Variants in UBE2H observed in about 807,000 individuals in gnomAD.
The protein encoded by UBE2H is ubiquitin conjugating enzyme E2 H.
Under a neutral mutation model 29.0 loss-of-function variants are expected in UBE2H, and 3 were observed. That is an observed-to-expected ratio of 0.10 (90% CI 0.05 to 0.27). The LOEUF (loss-of-function observed/expected upper bound fraction) is 0.27. Among genes scored for constraint, UBE2H ranks in the 10% least tolerant of loss-of-function variants. The pLI, the probability that UBE2H is intolerant of heterozygous loss-of-function variation, is 1.00. For synonymous variants in UBE2H, 69 were observed against 82.9 expected (o/e 0.83, Z 0.91); for missense variants, 68 against 228.2 (o/e 0.30, Z 4.52).
intron 1 of UBE2H, among the ~76,000 whole-genome samples, chr7:129,891,952 C>A (rs976678380): frequency 7.5e-6 from 1 of 132,850 alleles, no homozygotes. Context: ...ACATGCTACA[C>A]CTTTTTTTTT....
chr7:129,891,133 C>CT (rs1563036224), intron 1 of UBE2H, among the ~76,000 whole-genome samples: 1 of 146,100 alleles, frequency 6.8e-6, no homozygotes, highest in Non-Finnish European at 1.5e-5. Context: ...AAGACTCTCT[C>CT]AAAAAAAAAA....
chr7:129,849,574 T>A (rs1805572006), intron 5 of UBE2H, among the ~76,000 whole-genome samples: 1 of 152,058 alleles, frequency 6.6e-6, no homozygotes, highest in African/African-American at 2.4e-5. Flanking sequence ...CAAGACTCCA[T>A]CTCAAATAAA....
chr7:129,919,100 TAAAAAAAAAAA>T (rs1204331286), intron 1 of UBE2H, among the ~76,000 whole-genome samples: 2 of 72,186 alleles, frequency 2.8e-5, no homozygotes, highest in Admixed American at 1.7e-4. Flanking sequence ...AAAAACAAAG[TAAAAAAAAAAA>T]AAAAAAAAAA....
intron 1 of UBE2H, among the ~76,000 whole-genome samples, chr7:129,935,791 T>C (rs140621495): frequency 6.6e-6 from 1 of 152,234 alleles, no homozygotes; most frequent in Non-Finnish European, 1.5e-5. Context: ...TTAATCACAG[T>C]TGAAAAGTAG....
intron 4 of UBE2H, 70 bp from the exon 5 acceptor site, chr7:129,857,633 T>G (rs1048341933): frequency 1.3e-6 from 2 of 1,489,346 alleles, no homozygotes; most frequent in African/African-American, 2.8e-5. Flanking sequence ...TGGCAACTAA[T>G]TTTTACTTAT....
intron 5 of UBE2H, among the ~76,000 whole-genome samples, chr7:129,852,735 G>GT (rs1033095788): frequency 5.3e-5 from 8 of 150,952 alleles, no homozygotes; most frequent in African/African-American, 1.2e-4. Context: ...TTTTTTGTTT[G>GT]TTTTTTTGAG....
intron 1 of UBE2H, among the ~76,000 whole-genome samples, chr7:129,932,160 G>GT (rs1193669447): frequency 1.4e-5 from 2 of 145,444 alleles, no homozygotes; most frequent in Non-Finnish European, 3.0e-5. Context: ...TCTCGCTCTT[G>GT]TTGCCCAGGC....
chr7:129,912,968 T>C (rs1025094189), intron 1 of UBE2H, among the ~76,000 whole-genome samples: 10 of 152,158 alleles, frequency 6.6e-5, no homozygotes, highest in African/African-American at 2.4e-4. Flanking sequence ...TGTACAACAT[T>C]GGGCCAGGTG....
At chr7:129,909,639 T>C (rs1806889627) in intron 1 of UBE2H, among the ~76,000 whole-genome samples, 1 of 152,136 alleles carries the variant, frequency 6.6e-6, no homozygotes, top group South Asian at 2.1e-4. Flanking sequence ...GAGGATCACT[T>C]GACCCTAGGA....
chr7:129,937,921 ATC>A (rs1807563823), intron 1 of UBE2H, among the ~76,000 whole-genome samples: 1 of 152,224 alleles, frequency 6.6e-6, no homozygotes, highest in Non-Finnish European at 1.5e-5. Flanking sequence ...GAGTGCTTTT[ATC>A]CTCAGTTCCC....
intron 1 of UBE2H, among the ~76,000 whole-genome samples, chr7:129,937,944 T>C (rs748371223): frequency 5.3e-5 from 8 of 152,174 alleles, no homozygotes; most frequent in African/African-American, 1.7e-4. Context: ...TTGATAATTG[T>C]GTTATCAAAC....
At chr7:129,919,610 C>G (rs890574472) in intron 1 of UBE2H, among the ~76,000 whole-genome samples, 4 of 152,160 alleles carry the variant, frequency 2.6e-5, no homozygotes, top group South Asian at 2.1e-4. Context: ...CTTTCAAGAC[C>G]AAGGTCAAAC....
At chr7:129,938,780 T>G (rs895230046) in intron 1 of UBE2H, among the ~76,000 whole-genome samples, 2 of 151,808 alleles carry the variant, frequency 1.3e-5, no homozygotes, top group African/African-American at 4.8e-5. Context: ...TAGGCTTAGT[T>G]TGATGTTTTT....
chr7:129,915,331 T>G (rs1242613855), intron 1 of UBE2H, among the ~76,000 whole-genome samples: 1 of 152,058 alleles, frequency 6.6e-6, no homozygotes, highest in Non-Finnish European at 1.5e-5. Context: ...GGTCAGGAGA[T>G]CGAGACCATC....
intron 3 of UBE2H, among the ~76,000 whole-genome samples, chr7:129,878,801 G>T: frequency 7.1e-6 from 1 of 141,430 alleles, no homozygotes; most frequent in African/African-American, 2.6e-5. Flanking sequence ...CAATTTTATT[G>T]TTCTTACTTA....
chr7:129,861,998 T>C (rs1805812774), intron 3 of UBE2H, among the ~76,000 whole-genome samples: 1 of 152,220 alleles, frequency 6.6e-6, no homozygotes, highest in Admixed American at 6.5e-5. Context: ...CCATTTTATT[T>C]GAAATCTCGT....
chr7:129,946,143 C>A (rs1376367183), intron 1 of UBE2H, among the ~76,000 whole-genome samples: 2 of 151,704 alleles, frequency 1.3e-5, no homozygotes, highest in Non-Finnish European at 2.9e-5. Context: ...AGCTCCGCCT[C>A]CCGGGTTCAC....
intron 5 of UBE2H, among the ~76,000 whole-genome samples, chr7:129,853,497 T>C (rs1296476200): frequency 1.3e-5 from 2 of 152,244 alleles, no homozygotes; most frequent in East Asian, 1.9e-4. Flanking sequence ...ACAATAACAA[T>C]AGATAACTTC....
At chr7:129,920,137 G>C (rs970763748) in intron 1 of UBE2H, among the ~76,000 whole-genome samples, 4 of 152,116 alleles carry the variant, frequency 2.6e-5, no homozygotes, top group Non-Finnish European at 4.4e-5. Flanking sequence ...TCTCAAGTAT[G>C]CATCTCTCAC....
Sources: gnomAD v4.1 joint callset for allele counts (sites outside exome capture counted in the v4.1 genomes callset) on GRCh38, gnomAD v4.1.1 for gene constraint, MANE v1.5 for transcripts, NCBI Gene and HGNC (gene_info 2026-07-23, HGNC 2026-07-21) for gene names.